DNAH11: variants seen among roughly 807,000 people sequenced by gnomAD.
DNAH11 encodes the protein axonemal beta dynein heavy chain 11.
A neutral mutation model predicts 526.0 loss-of-function variants in DNAH11; 442 were observed. That is an observed-to-expected ratio of 0.84 (90% CI 0.78 to 0.91). The LOEUF (loss-of-function observed/expected upper bound fraction) is 0.91, where lower values mean the gene tolerates loss of function less well. DNAH11 is among the 40% of genes least tolerant of loss of function. The pLI, the probability that DNAH11 is intolerant of heterozygous loss-of-function variation, is 0.00. For missense variants in DNAH11, 6,989 were observed against 5,448.7 expected, an observed-to-expected ratio of 1.28 and a Z score of -8.90; for synonymous variants, 2,461 against 1,935.9, an observed-to-expected ratio of 1.27 and a Z score of -7.12.
At position 21,600,837 on chromosome 7, in the gene DNAH11, G is replaced by A. The variant is rs888122554; in HGVS notation, c.3162G>A (p.Leu1054=). The change falls in exon 16 of 82, where the codon TTG becomes TTA. Residue 1054 remains leucine, a synonymous_variant. Coordinates refer to ENST00000409508, the MANE Select transcript of DNAH11 (RefSeq NM_001277115.2). ...DRAEFMKHFL[L]YGHAVSSDEM... The stretch of plus-strand genomic sequence containing the variant: ...CTGAGTTTATGAAGCATTTTCTCTT[G>A]TATGGCCATGCTGTGTCTTCCGATG... The A allele has an allele frequency of 1.2e-6, 2 of 1,613,922 alleles. No homozygotes were observed. Among genetic ancestry groups the A allele is most frequent in the Non-Finnish European group, 1.7e-6 (2 of 1,179,864 alleles).
At chr7:21,545,273 T>TAAAAAA in intron 2 of DNAH11, 124 bp downstream of exon 2, 6 of 113,536 alleles carry the variant, frequency 5.3e-5, no homozygotes, top group South Asian at 3.7e-4. Flanking sequence ...ATGGGGGTGG[T>TAAAAAA]TAAAAAAAAA....
chr7:21,819,445 A>T (rs527828205), intron 65 of DNAH11, among the ~76,000 whole-genome samples: 1 of 152,190 alleles, frequency 6.6e-6, no homozygotes, highest in African/African-American at 2.4e-5. Context: ...ATTTAGAACA[A>T]TCTAACAAGC....
At chr7:21,894,554 G>A (rs2128048802) in intron 77 of DNAH11, 69 bp from the exon 78 acceptor site, 2 of 1,486,624 alleles carry the variant, frequency 1.3e-6, no homozygotes, top group Non-Finnish European at 1.9e-6. Flanking sequence ...AAAAAGTAGA[G>A]GATATACACA....
Position 21,588,575 on chromosome 7 carries a change from G to A in DNAH11, c.1912G>A (p.Ala638Thr). Reference sequence around the variant, plus strand: ...ATTTACCTCAGGAAATATGAAATGGGCCCAGCAGGTTCTCCAACGACTTCA... The same window carrying A: ...ATTTACCTCAGGAAATATGAAATGGACCCAGCAGGTTCTCCAACGACTTCA... ...MPFTSGNMKW[A>T]QQVLQRLQMF... is the part of the protein sequence containing the mutation. The change falls in exon 11 of 82, where the codon GCC becomes ACC. Residue 638 changes from alanine (A) to threonine (T), a missense_variant. Ala to Thr is a moderately conservative substitution (Grantham distance 58). Coordinates refer to ENST00000409508, the MANE Select transcript of DNAH11 (RefSeq NM_001277115.2). The A allele has an allele frequency of 6.2e-7, 1 of 1,613,476 alleles. No individual in the cohort carries two copies. The highest frequency in any genetic ancestry group is 8.5e-7 in the Non-Finnish European group (1 of 1,179,468).
chr7:21,803,863 T>G (rs932936566), intron 62 of DNAH11, among the ~76,000 whole-genome samples: 1 of 149,988 alleles, frequency 6.7e-6, no homozygotes, highest in African/African-American at 2.5e-5. Flanking sequence ...AATGGGGCTA[T>G]CATCATTGAA....
chr7:21,699,087 T>C (rs1783961746), intron 36 of DNAH11, among the ~76,000 whole-genome samples: 1 of 152,190 alleles, frequency 6.6e-6, no homozygotes, highest in South Asian at 2.1e-4. Context: ...CTCCCTTTCT[T>C]CGTGAAAATA....
intron 74 of DNAH11, among the ~76,000 whole-genome samples, chr7:21,874,757 C>G (rs993989706): frequency 6.6e-6 from 1 of 151,942 alleles, no homozygotes; most frequent in African/African-American, 2.4e-5. Context: ...CCAAACTATC[C>G]TATCTATCAA....
chr7:21,640,076 G>A (rs893922088), intron 28 of DNAH11, among the ~76,000 whole-genome samples: 1 of 152,098 alleles, frequency 6.6e-6, no homozygotes, highest in Non-Finnish European at 1.5e-5. Context: ...AAGTGCAGTC[G>A]TGCTGTTAGT....
At chr7:21,658,675 A>C in intron 29 of DNAH11, 123 bp from the exon 30 acceptor site, 2 of 703,668 alleles carry the variant, frequency 2.8e-6, no homozygotes, top group Non-Finnish European at 4.4e-6. Context: ...GCAGTTTTCT[A>C]CCTGGGTTTA....
intron 10 of DNAH11, 129 bp from the exon 11 acceptor site, chr7:21,588,383 A>G (rs1784547608): frequency 5.9e-6 from 8 of 1,349,958 alleles, no homozygotes; most frequent in Non-Finnish European, 8.1e-6. Flanking sequence ...TCTTCTAGTA[A>G]TCAAGTGATT....
At chr7:21,591,128 A>C in intron 13 of DNAH11, 57 bp from the exon 14 acceptor site, 1 of 1,524,976 alleles carries the variant, frequency 6.6e-7, no homozygotes, top group Non-Finnish European at 8.7e-7. Flanking sequence ...CACCTTTAAG[A>C]CAGAGAAAAT....
chr7:21,623,233 A>G (rs1480858812), intron 25 of DNAH11, among the ~76,000 whole-genome samples: 1 of 152,228 alleles, frequency 6.6e-6, no homozygotes, highest in East Asian at 1.9e-4. Flanking sequence ...ATCACTGGCC[A>G]TCAGAGAAAT....
intron 30 of DNAH11, among the ~76,000 whole-genome samples, chr7:21,676,408 G>A (rs967006141): frequency 5.3e-5 from 8 of 152,116 alleles, no homozygotes; most frequent in Non-Finnish European, 1.0e-4. Flanking sequence ...TTATATACAA[G>A]TACAGTACTG....
intron 34 of DNAH11, among the ~76,000 whole-genome samples, chr7:21,688,427 C>T (rs1221266589): frequency 1.3e-5 from 2 of 152,158 alleles, no homozygotes; most frequent in Non-Finnish European, 2.9e-5. Context: ...ATCACAGGCC[C>T]CAGTCTTTGG....
intron 57 of DNAH11, among the ~76,000 whole-genome samples, chr7:21,783,662 C>G (rs370182324): frequency 6.7e-6 from 1 of 149,504 alleles, no homozygotes; most frequent in Admixed American, 6.7e-5. Context: ...CCTGTCTTCT[C>G]ATTTTGGTTT....
chr7:21,819,543 T>G (rs1360222883), intron 65 of DNAH11, among the ~76,000 whole-genome samples: 1 of 152,220 alleles, frequency 6.6e-6, no homozygotes, highest in East Asian at 1.9e-4. Flanking sequence ...TGAATGTCAC[T>G]GAAGTGAAAT....
At chr7:21,548,232 C>A (rs554184769) in intron 2 of DNAH11, among the ~76,000 whole-genome samples, 1 of 152,178 alleles carries the variant, frequency 6.6e-6, no homozygotes, top group South Asian at 2.1e-4. Context: ...AACACATACA[C>A]CCCCTTTTTC....
chr7:21,722,389 C>G (rs1784914580), intron 44 of DNAH11, among the ~76,000 whole-genome samples: 1 of 152,132 alleles, frequency 6.6e-6, no homozygotes, highest in African/African-American at 2.4e-5. Context: ...AGATAGCACA[C>G]ATTTTCCAGG....
chr7:21,834,241 G>T (rs1025378921), intron 65 of DNAH11, among the ~76,000 whole-genome samples: 8 of 152,072 alleles, frequency 5.3e-5, no homozygotes, highest in Non-Finnish European at 8.8e-5. Context: ...ATTAAAAAAT[G>T]TACTCCTAAA....
Sources: allele counts gnomAD v4.1 joint callset (sites outside exome capture counted in the v4.1 genomes callset), GRCh38; gene constraint gnomAD v4.1.1; transcripts MANE v1.5; gene names NCBI Gene and HGNC (gene_info 2026-07-23, HGNC 2026-07-21).